Variants in LRP1B observed in about 807,000 individuals in gnomAD.
LRP1B encodes the protein LDL receptor related protein 1B.
In LRP1B, 217 loss-of-function variants were observed where a neutral mutation model predicts 556.6. The observed-to-expected ratio is 0.39, with a 90% CI of 0.35 to 0.44. The LOEUF is 0.44. Among genes scored for constraint, LRP1B ranks in the 20% least tolerant of loss-of-function variants. The probability of loss-of-function intolerance (pLI) is 1.00; values close to 1 mark genes in which losing one functional copy is unlikely to be tolerated. For synonymous variants in LRP1B, 2,047 were observed against 1,865.8 expected (o/e 1.10, Z -2.50); for missense variants, 5,053 against 5,620.8 (o/e 0.90, Z 3.23).
At chr2:140,951,034 T>C (rs1054095565) in intron 19 of LRP1B, among the ~76,000 whole-genome samples, 3 of 152,184 alleles carry the variant, frequency 2.0e-5, no homozygotes, top group Non-Finnish European at 4.4e-5. Context: ...AATTCATCTA[T>C]GCACCACGAA....
intron 1 of LRP1B, among the ~76,000 whole-genome samples, chr2:141,879,052 G>A (rs1698866911): frequency 6.6e-6 from 1 of 151,592 alleles, no homozygotes; most frequent in Admixed American, 6.6e-5. Context: ...AATTATAAAA[G>A]AATTCTAAAG....
intron 1 of LRP1B, among the ~76,000 whole-genome samples, chr2:141,845,838 T>C (rs1697627454): frequency 6.6e-6 from 1 of 151,566 alleles, no homozygotes; most frequent in South Asian, 2.1e-4. Flanking sequence ...AACTGGAAAA[T>C]ACTGAAAAGA....
intron 2 of LRP1B, among the ~76,000 whole-genome samples, chr2:141,597,467 C>T (rs1687565978): frequency 6.6e-6 from 1 of 152,054 alleles, no homozygotes; most frequent in Non-Finnish European, 1.5e-5. Flanking sequence ...ATTTGCCCTT[C>T]ACCTTCACAT....
At chr2:140,595,087 A>AATATATATAT (rs60138085) in intron 43 of LRP1B, among the ~76,000 whole-genome samples, 18 of 99,662 alleles carry the variant, frequency 1.8e-4, no homozygotes, top group East Asian at 3.1e-4. Flanking sequence ...ATATAAATTG[A>AATATATATAT]ATATATATAT....
At chr2:140,833,590 T>C (rs951584062) in intron 31 of LRP1B, among the ~76,000 whole-genome samples, 1 of 152,240 alleles carries the variant, frequency 6.6e-6, no homozygotes, top group Non-Finnish European at 1.5e-5. Flanking sequence ...AGCTCTTGTT[T>C]ATATTACTGA....
At position 140,480,501 on chromosome 2, in the gene LRP1B, C is replaced by T. The variant is rs562400952; in HGVS notation, c.9425+4842G>A. Among the ~76,000 whole-genome samples, 18 of 152,080 alleles carry T rather than the reference C, an allele frequency of 1.2e-4. No homozygotes were observed. The South Asian group carries it at 1.5e-3, about 12-fold the overall frequency. On this transcript the variant is annotated intron_variant, in intron 59 of 90. Transcript: ENST00000389484. ...TGTTGCCCAGGCTAGAGTAAAGTGGCGTGCTCTCAGCTCACTGCAACCTCC... is the reference window on the plus strand; with the variant it reads ...TGTTGCCCAGGCTAGAGTAAAGTGGTGTGCTCTCAGCTCACTGCAACCTCC...
chr2:141,102,347 C>G (rs1700483174), intron 7 of LRP1B, among the ~76,000 whole-genome samples: 1 of 152,146 alleles, frequency 6.6e-6, no homozygotes. Flanking sequence ...ACAGGTCATA[C>G]TATGAGCCTA....
intron 5 of LRP1B, 66 bp downstream of exon 5, chr2:141,247,160 G>T: frequency 6.3e-7 from 1 of 1,583,842 alleles, no homozygotes; most frequent in Non-Finnish European, 8.7e-7. Flanking sequence ...CATCTCTAAT[G>T]AAAAAGAATT....
chr2:141,027,767 G>T (rs978687658), intron 11 of LRP1B, among the ~76,000 whole-genome samples: 28 of 152,200 alleles, frequency 1.8e-4, no homozygotes, highest in Non-Finnish European at 3.1e-4. Flanking sequence ...AATATTTGGG[G>T]GTAATTAGTT....
intron 1 of LRP1B, among the ~76,000 whole-genome samples, chr2:142,022,534 T>C (rs1251053491): frequency 1.3e-5 from 2 of 152,136 alleles, no homozygotes; most frequent in African/African-American, 4.8e-5. Context: ...TACTCCTTAC[T>C]TGGAGATTTC....
At chr2:140,305,556 A>C (rs1408121500) in intron 83 of LRP1B, among the ~76,000 whole-genome samples, 5 of 152,180 alleles carry the variant, frequency 3.3e-5, no homozygotes, top group Non-Finnish European at 4.4e-5. Context: ...TTTTGGGCTG[A>C]GAAAATGGGG....
chr2:141,172,213 A>G (rs1329272398), intron 7 of LRP1B, among the ~76,000 whole-genome samples: 5 of 152,048 alleles, frequency 3.3e-5, no homozygotes, highest in Non-Finnish European at 7.4e-5. Context: ...AGTATTCACC[A>G]TCAGTTCATC....
intron 6 of LRP1B, among the ~76,000 whole-genome samples, chr2:141,226,793 T>A (rs2105288256): frequency 6.6e-6 from 1 of 152,286 alleles, no homozygotes; most frequent in African/African-American, 2.4e-5. Context: ...TTCTGTGACA[T>A]GTTGATAAAA....
chr2:141,290,921 A>G (rs990893034), intron 3 of LRP1B, among the ~76,000 whole-genome samples: 1 of 152,206 alleles, frequency 6.6e-6, no homozygotes, highest in African/African-American at 2.4e-5. Flanking sequence ...CAAATGAAAC[A>G]GAACATCTGA....
intron 41 of LRP1B, among the ~76,000 whole-genome samples, chr2:140,619,782 C>T (rs754001398): frequency 6.6e-6 from 1 of 152,064 alleles, no homozygotes; most frequent in Non-Finnish European, 1.5e-5. Context: ...AAATAACATT[C>T]CATCTTTCTA....
At chr2:140,756,953 G>C (rs1047308152) in intron 35 of LRP1B, among the ~76,000 whole-genome samples, 1 of 152,056 alleles carries the variant, frequency 6.6e-6, no homozygotes, top group Non-Finnish European at 1.5e-5. Flanking sequence ...CAAAATTCTA[G>C]TAACTCAATA....
At chr2:140,321,880 G>C (rs1195191116) in intron 82 of LRP1B, 83 bp downstream of exon 82, 1 of 1,363,412 alleles carries the variant, frequency 7.3e-7, no homozygotes, top group Non-Finnish European at 1.0e-6. Context: ...TGATGGAACA[G>C]ATAATTTCAC....
In LRP1B at chr2:140,487,718, T is replaced by C. The variant is rs1383783443; in HGVS notation, c.9142A>G (p.Ile3048Val). The C allele has an allele frequency of 1.3e-6, 2 of 1,559,944 alleles. No homozygotes were observed. The highest frequency in any genetic ancestry group is 1.8e-6 in the Non-Finnish European group (2 of 1,137,744). Residue 3048 changes from isoleucine (I) to valine (V), a missense_variant, in exon 58 of 91, where the codon ATA becomes GTA. By Grantham distance (29) the Ile-to-Val change is conservative. Transcript: ENST00000389484. The part of the protein sequence containing the change: ...LKQGLNNVIA[I>V]DFDYREEFIY... ...AATTCTTCTCTGTAATCAAAGTCTA[T>C]AGCAATAACATTGTTTAATCCCTGA...
chr2:141,395,332 T>A (rs1690202644), intron 3 of LRP1B, among the ~76,000 whole-genome samples: 1 of 152,144 alleles, frequency 6.6e-6, no homozygotes, highest in South Asian at 2.1e-4. Flanking sequence ...TATTGTACTT[T>A]TTCTAAGTTT....
Sources: gnomAD v4.1 joint callset for allele counts (sites outside exome capture counted in the v4.1 genomes callset) on GRCh38, gnomAD v4.1.1 for gene constraint, MANE v1.5 for transcripts, NCBI Gene and HGNC (gene_info 2026-07-23, HGNC 2026-07-21) for gene names.